Variants in EYA2 observed in about 807,000 individuals in gnomAD.
EYA2 encodes EYA transcriptional coactivator and phosphatase 2, also known as protein phosphatase EYA2.
EYA2 carries 31 observed loss-of-function variants against 69.2 expected under a neutral mutation model. The ratio of observed to expected loss-of-function variants is 0.45; its 90% confidence interval spans 0.34 to 0.60. EYA2 has a LOEUF of 0.60. EYA2 is among the 20% of genes least tolerant of loss of function. The pLI is 0.02. For missense variants in EYA2, 622 were observed against 701.2 expected, an observed-to-expected ratio of 0.89 and a Z score of 1.28; for synonymous variants, 257 against 279.4, an observed-to-expected ratio of 0.92 and a Z score of 0.80.
chr20:47,022,287 G>A lies in EYA2; in HGVS notation c.415+5990G>A, dbSNP rs118171876. Among the ~76,000 whole-genome samples, 1,283 of 152,252 alleles carry A rather than the reference G, an allele frequency of 8.4e-3. 17 individuals carry two copies. Among genetic ancestry groups the A allele is most frequent in the Non-Finnish European group, 0.013 (896 of 68,010 alleles). ...TTCTATTGTTTTAAACAATGAACATGTATGTTTTTCTTTTTCCTGTGTTTT... is the reference window on the plus strand; with the variant it reads ...TTCTATTGTTTTAAACAATGAACATATATGTTTTTCTTTTTCCTGTGTTTT... On this transcript the variant is annotated intron_variant, in intron 5 of 15. Coordinates refer to ENST00000327619, the MANE Select transcript of EYA2 (RefSeq NM_005244.5).
chr20:47,022,278 A>C (rs575100830), intron 5 of EYA2, among the ~76,000 whole-genome samples: 1 of 152,328 alleles, frequency 6.6e-6, no homozygotes, highest in Admixed American at 6.5e-5. Context: ...TGTTTTAAAC[A>C]ATGAACATGT....
At chr20:47,134,929 C>T (rs535724304) in intron 9 of EYA2, among the ~76,000 whole-genome samples, 1 of 152,046 alleles carries the variant, frequency 6.6e-6, no homozygotes, top group East Asian at 1.9e-4. Flanking sequence ...AGATCAAGAC[C>T]ATCCTGGCTA....
At position 46,990,523 on chromosome 20, in the gene EYA2, G is replaced by C. The variant is rs146571231; in HGVS notation, c.109+404G>C. ...CCAAGCAGGCGTCTTGCTTACAGGG[G>C]TTTGACATTAGGGCAAGAACTCGTC... On this transcript the variant is annotated intron_variant, in intron 2 of 15. Transcript: ENST00000327619. Among the ~76,000 whole-genome samples, 1,142 of 152,324 alleles carry C rather than the reference G, an allele frequency of 7.5e-3. 11 individuals are homozygous for C. The highest frequency in any genetic ancestry group is 0.026 in the African/African-American group (1,093 of 41,564).
Position 47,188,437 on chromosome 20 carries a change from G to T in EYA2, c.*304G>T, listed in dbSNP as rs986665272. The T allele has an allele frequency of 1.8e-5, 10 of 559,174 alleles. No homozygotes were observed. The highest frequency in any genetic ancestry group is 5.6e-5 in the East Asian group (2 of 35,900). 34.6% of individuals were successfully genotyped at this position (559,174 alleles called of 1,614,324 possible). ...GAATTGCTGATTTGGGGGGTGCCTGGTGATGAGGAGGGGATGGGTTTGTCT... is the reference window on the plus strand; with the variant it reads ...GAATTGCTGATTTGGGGGGTGCCTGTTGATGAGGAGGGGATGGGTTTGTCT... On this transcript the variant is annotated 3_prime_UTR_variant, in exon 16 of 16. Transcript: ENST00000327619.
chr20:47,058,087 ATTAAG>A (rs996430845), intron 5 of EYA2, among the ~76,000 whole-genome samples: 1 of 147,912 alleles, frequency 6.8e-6, no homozygotes. Context: ...AAGGGCTTGG[ATTAAG>A]TTAATACCGG....
At chr20:47,064,299 A>G (rs2031024778) in intron 5 of EYA2, among the ~76,000 whole-genome samples, 1 of 152,198 alleles carries the variant, frequency 6.6e-6, no homozygotes, top group African/African-American at 2.4e-5. Context: ...TGCTGTATGT[A>G]GCATGTATCA....
At chr20:47,185,276 C>CTT (rs765083065) in intron 15 of EYA2, among the ~76,000 whole-genome samples, 906 of 55,916 alleles carry the variant, frequency 0.016, 167 homozygotes, top group Non-Finnish European at 0.023. Flanking sequence ...GAATCACACT[C>CTT]TTTTTTTTTT....
chr20:47,123,222 G>A (rs180670626), intron 9 of EYA2, among the ~76,000 whole-genome samples: 67 of 151,974 alleles, frequency 4.4e-4, no homozygotes, highest in African/African-American at 1.4e-3. Context: ...GTGATGTTTC[G>A]ATGCATATAA....
chr20:46,926,767 T>G (rs1472018783), intron 1 of EYA2, among the ~76,000 whole-genome samples: 1 of 152,260 alleles, frequency 6.6e-6, no homozygotes, highest in Non-Finnish European at 1.5e-5. Context: ...TATCTCTTTA[T>G]AATTTTAATT....
At chr20:47,059,930 G>C (rs2030802546) in intron 5 of EYA2, among the ~76,000 whole-genome samples, 1 of 152,202 alleles carries the variant, frequency 6.6e-6, no homozygotes, top group East Asian at 1.9e-4. Context: ...TCCTAGAGCA[G>C]AGATCACAAC....
intron 4 of EYA2, among the ~76,000 whole-genome samples, chr20:47,008,966 C>T (rs1320134120): frequency 1.3e-5 from 2 of 152,238 alleles, no homozygotes; most frequent in Non-Finnish European, 2.9e-5. Context: ...ATTACAACTA[C>T]TCAGCTCTGC....
intron 1 of EYA2, among the ~76,000 whole-genome samples, chr20:46,895,373 C>G (rs907602222): frequency 6.6e-6 from 1 of 152,238 alleles, no homozygotes; most frequent in Non-Finnish European, 1.5e-5. Context: ...GGGGCGCTCC[C>G]CCAGTCCGCA....
chr20:46,935,438 A>G (rs1985865371), intron 1 of EYA2, among the ~76,000 whole-genome samples: 1 of 152,212 alleles, frequency 6.6e-6, no homozygotes, highest in Non-Finnish European at 1.5e-5. Context: ...TTGGCGCCTA[A>G]GAAGTGCTCA....
In EYA2 at chr20:47,172,715, A is replaced by G. The variant is rs1476971532; in HGVS notation, c.1046A>G (p.Asn349Ser). ...CCCTCCTCTCTCCGCAGCACATACA[A>G]CTTCTCCGCTGACGGCTTCCACAGT... ...DDNGQDLSTY[N>S]FSADGFHSSA... is the part of the protein sequence containing the mutation. Residue 349 changes from asparagine (N) to serine (S), a missense_variant, in exon 12 of 16, where the codon AAC becomes AGC. Physicochemically the swap from Asn to Ser is conservative, Grantham distance 46 (BLOSUM62 1). Transcript: ENST00000327619. The G allele has an allele frequency of 1.9e-5, 30 of 1,611,856 alleles. No homozygotes were observed. The highest frequency in any genetic ancestry group is 2.4e-5 in the Non-Finnish European group (28 of 1,179,112).
chr20:46,938,729 G>A (rs1440858568), intron 1 of EYA2, among the ~76,000 whole-genome samples: 2 of 152,122 alleles, frequency 1.3e-5, no homozygotes, highest in Admixed American at 6.5e-5. Flanking sequence ...ATGTCAGAGT[G>A]ACATACCATC....
chr20:47,163,698 CA>C (rs11471495), intron 10 of EYA2, among the ~76,000 whole-genome samples: 26,146 of 84,790 alleles, frequency 0.31, 2,422 homozygotes, highest in Middle Eastern at 0.37. Context: ...AACACTGTCT[CA>C]AAAAAAAAAA....
intron 5 of EYA2, among the ~76,000 whole-genome samples, chr20:47,061,068 G>A (rs12480179): frequency 0.081 from 12,260 of 151,810 alleles, 626 homozygotes; most frequent in East Asian, 0.23. Flanking sequence ...TGGTCAGGCT[G>A]GTCTCAAACT....
intron 8 of EYA2, among the ~76,000 whole-genome samples, chr20:47,094,661 G>C (rs1306292265): frequency 2.0e-5 from 3 of 152,174 alleles, no homozygotes; most frequent in African/African-American, 4.8e-5. Flanking sequence ...CTCAACACTA[G>C]CTACAGAGTT....
Position 47,070,415 on chromosome 20 carries a change from C to T in EYA2, c.416-1770C>T, listed in dbSNP as rs569516257. On this transcript the variant is annotated intron_variant, in intron 5 of 15. Coordinates refer to ENST00000327619, the MANE Select transcript of EYA2 (RefSeq NM_005244.5). ...CTGAAATGACCAAGTGCTGGAGAAT[C>T]GAGAACTCTCGTGCATTACCAGTCA... Among the ~76,000 whole-genome samples the T allele has an allele frequency of 6.6e-5, 10 of 152,320 alleles. No homozygotes were observed. The South Asian group carries it at 1.2e-3, about 19-fold the overall frequency.
Sources: allele counts gnomAD v4.1 joint callset (sites outside exome capture counted in the v4.1 genomes callset), GRCh38; gene constraint gnomAD v4.1.1; transcripts MANE v1.5; gene names NCBI Gene and HGNC (gene_info 2026-07-23, HGNC 2026-07-21).